Variants in DYNC2H1 observed in about 807,000 individuals in gnomAD.
DYNC2H1 encodes the protein dynein cytoplasmic 2 heavy chain 1.
In DYNC2H1, 410 loss-of-function variants were observed where a neutral mutation model predicts 570.0. That is an observed-to-expected ratio of 0.72 (90% CI 0.66 to 0.78). The LOEUF is 0.78. Among genes scored for constraint, DYNC2H1 ranks in the 30% least tolerant of loss-of-function variants. DYNC2H1 has a pLI of 0.00. For synonymous variants in DYNC2H1, 1,688 were observed against 1,677.6 expected, an observed-to-expected ratio of 1.01 and a Z score of -0.15; for missense variants, 4,865 against 5,046.4, an observed-to-expected ratio of 0.96 and a Z score of 1.09.
At chr11:103,231,471 G>C in intron 60 of DYNC2H1, 125 bp downstream of exon 60, 1 of 522,546 alleles carries the variant, frequency 1.9e-6, no homozygotes, top group Non-Finnish European at 3.3e-6. Context: ...GTGGGACCCA[G>C]TAGTCTATAA....
chr11:103,110,643 T>A (rs764836368), intron 1 of DYNC2H1, among the ~76,000 whole-genome samples: 41 of 152,170 alleles, frequency 2.7e-4, no homozygotes, highest in Admixed American at 1.1e-3. Context: ...CAATCAGGGC[T>A]TATATATATA....
Position 103,229,316 on chromosome 11 carries a change from C to G in DYNC2H1, c.9354-1944C>G, listed in dbSNP as rs149598427. Among the ~76,000 whole-genome samples the G allele has an allele frequency of 2.3e-4, 35 of 152,292 alleles. No individual in the cohort carries two copies. The East Asian group carries it at 6.6e-3, about 29-fold the overall frequency. On this transcript the variant is annotated intron_variant, in intron 59 of 88. Transcript: ENST00000375735. ...AGCGAAAGTTCACCATGTAAGTCTC[C>G]ACATGCTCCTCTGTCTGTCTGAGTG...
intron 47 of DYNC2H1, among the ~76,000 whole-genome samples, chr11:103,193,403 G>T (rs1039845038): frequency 6.6e-6 from 1 of 152,100 alleles, no homozygotes; most frequent in African/African-American, 2.4e-5. Flanking sequence ...GACAGTATTG[G>T]CACCTAATTG....
rs1170271715 is a variant in DYNC2H1, at chr11:103,321,010, T to C, written c.11726-19T>C. Reference sequence around the variant, plus strand: ...ATATTTTAGAAATGAAATTAATGAGTGTTTTTTTAAAATTATAGGTGCCAA... The same window carrying C: ...ATATTTTAGAAATGAAATTAATGAGCGTTTTTTTAAAATTATAGGTGCCAA... On this transcript the variant is annotated intron_variant, in intron 80 of 88. Transcript: ENST00000375735. The C allele has an allele frequency of 2.6e-6, 4 of 1,558,632 alleles. No individual in the cohort carries two copies. The highest frequency in any genetic ancestry group is 1.8e-5 in the Admixed American group (1 of 54,458).
rs769932589 is a variant in DYNC2H1, at chr11:103,395,470, C to CAT, written c.12157-4184_12157-4183dup. On this transcript the variant is annotated intron_variant, in intron 83 of 88. Coordinates refer to ENST00000375735, the MANE Select transcript of DYNC2H1 (RefSeq NM_001377.3). The surrounding 1 kb of genome is among the most constrained non-coding windows in gnomAD (Gnocchi z 4.3). ...TTGTATCACTGATATACATATATATCATATATATATTTATGTATATGTACA... is the reference window on the plus strand; with the variant it reads ...TTGTATCACTGATATACATATATATCATATATATATATTTATGTATATGTACA... Among the ~76,000 whole-genome samples, 1 of 138,948 alleles carries CAT rather than the reference C, an allele frequency of 7.2e-6. No homozygotes were observed. The highest frequency in any genetic ancestry group is 1.5e-5 in the Non-Finnish European group (1 of 64,626). The allele number at this position is 138,948 out of a possible 152,430, so 91.2% of individuals were successfully genotyped here.
At chr11:103,259,068 T>G (rs1191259190) in intron 69 of DYNC2H1, among the ~76,000 whole-genome samples, 1 of 152,240 alleles carries the variant, frequency 6.6e-6, no homozygotes, top group Non-Finnish European at 1.5e-5. Flanking sequence ...CACATTTCTT[T>G]GCTGATCCTG....
At position 103,157,943 on chromosome 11, in the gene DYNC2H1, A is replaced by C. The variant is rs1000789121; in HGVS notation, c.4128-734A>C. On this transcript the variant is annotated intron_variant, in intron 26 of 88. Transcript: ENST00000375735. The surrounding 1 kb of genome is among the most constrained non-coding windows in gnomAD (Gnocchi z 4.2). ...TCTTTGCCAGAAACGTCTTCTACTC[A>C]CTCACTTTTTCATTTTATTCTTCAT... Among the ~76,000 whole-genome samples the C allele has an allele frequency of 1.3e-5, 2 of 151,792 alleles. No homozygotes were observed. The highest frequency in any genetic ancestry group is 2.9e-5 in the Non-Finnish European group (2 of 67,960).
chr11:103,399,833 A>G lies in DYNC2H1; in HGVS notation c.12327A>G (p.Ser4109=), dbSNP rs746071031. 1.1e-5 allele frequency: 18 copies of G among 1,613,770 alleles called. No individual in the cohort carries two copies. Among genetic ancestry groups the G allele is most frequent in the East Asian group, 6.7e-5 (3 of 44,862 alleles). Residue 4109 remains serine, a synonymous_variant, in exon 84 of 89, where the codon TCA becomes TCG. Transcript: ENST00000375735. ...KVIRGTTLLS[S]EVQKLASALL... is the part of the protein sequence containing the mutation. ...TCAGAGGAACTACTTTACTGAGTTC[A>G]GAAGTACAAAAATTGGCAAGTGCTT...
chr11:103,262,245 G>A (rs775186823), intron 70 of DYNC2H1, among the ~76,000 whole-genome samples: 1 of 152,182 alleles, frequency 6.6e-6, no homozygotes, highest in Non-Finnish European at 1.5e-5. Flanking sequence ...TGAAAGTGAC[G>A]GGGAGAATGG....
At chr11:103,200,265 C>T in intron 50 of DYNC2H1, 111 bp downstream of exon 50, 1 of 761,714 alleles carries the variant, frequency 1.3e-6, no homozygotes, top group Non-Finnish European at 2.1e-6. Context: ...TGGCATAGTT[C>T]TTACTTAGGA....
rs11294489 is a variant in DYNC2H1 at position 103,316,844 on chromosome 11, CT to C, written c.11725+226del. On this transcript the variant is annotated intron_variant, in intron 80 of 88. Transcript: ENST00000375735. ...TCTGGGAGCAGAAGTCTAGAAAGAC[CT>C]TGTTTTCACTTTGTGGCTTTCAAAA... 0.13 allele frequency among the ~76,000 whole-genome samples: 19,918 copies of C among 151,896 alleles called. 1,532 individuals are homozygous for C. Among genetic ancestry groups the C allele is most frequent in the Admixed American group, 0.24 (3,660 of 15,252 alleles).
rs540683979 is a variant in DYNC2H1 at position 103,268,706 on chromosome 11, G to T, written c.10695+8729G>T. 6.6e-6 allele frequency among the ~76,000 whole-genome samples: 1 copy of T among 151,852 alleles called. No homozygotes were observed. The highest frequency in any genetic ancestry group is 6.6e-5 in the Admixed American group (1 of 15,260). On this transcript the variant is annotated intron_variant, in intron 70 of 88. Transcript: ENST00000375735. The surrounding 1 kb of genome is among the most constrained non-coding windows in gnomAD (Gnocchi z 4.6). ...CTGCCCCAAATCTTTTTTGAAAGTG[G>T]ATATGTTATAAATAAATATTATTAT...
chr11:103,453,213 G>C (rs1052718297), intron 85 of DYNC2H1, among the ~76,000 whole-genome samples: 4 of 152,024 alleles, frequency 2.6e-5, no homozygotes, highest in African/African-American at 7.2e-5. Context: ...CCATAACTTA[G>C]AGTGAAGTAA....
chr11:103,476,915 G>C (rs1217062129), intron 88 of DYNC2H1, among the ~76,000 whole-genome samples: 1 of 152,178 alleles, frequency 6.6e-6, no homozygotes, highest in Non-Finnish European at 1.5e-5. Flanking sequence ...CTGCCAAAAA[G>C]CTGATTTTTT....
At position 103,186,216 on chromosome 11, in the gene DYNC2H1, A is replaced by C. The variant is rs1862061109; in HGVS notation, c.6634-26A>C. On this transcript the variant is annotated intron_variant, in intron 41 of 88. Transcript: ENST00000375735. This position sits in a 1 kb window ranked among gnomAD's most constrained non-coding sequence, Gnocchi z 4.5. The stretch of plus-strand genomic sequence containing the variant: ...GTCACACACTCTGGAGTATGTGAAA[A>C]CTTATCACAATTTTTTCCTCTTAAG... The C allele has an allele frequency of 6.3e-7, 1 of 1,596,512 alleles. No homozygotes were observed. Among genetic ancestry groups the C allele is most frequent in the Admixed American group, 1.7e-5 (1 of 58,186 alleles).
intron 47 of DYNC2H1, among the ~76,000 whole-genome samples, chr11:103,192,906 G>T (rs1862372932): frequency 6.6e-6 from 1 of 152,010 alleles, no homozygotes; most frequent in Non-Finnish European, 1.5e-5. Context: ...GGCCACAAAA[G>T]GTGCTTATTT....
chr11:103,320,853 T>G (rs1479043231), intron 80 of DYNC2H1, among the ~76,000 whole-genome samples, 176 bp from the exon 81 acceptor site: 1 of 152,182 alleles, frequency 6.6e-6, no homozygotes, highest in Non-Finnish European at 1.5e-5. Context: ...TGTAAAATAT[T>G]TGGAAAATTT....
chr11:103,349,050 T>C (rs931482701), intron 82 of DYNC2H1, among the ~76,000 whole-genome samples: 5 of 152,212 alleles, frequency 3.3e-5, no homozygotes, highest in Non-Finnish European at 7.3e-5. Context: ...CTTTCGTTTA[T>C]AAATTACCCA....
At chr11:103,434,406 G>T (rs971015733) in intron 84 of DYNC2H1, among the ~76,000 whole-genome samples, 6 of 144,734 alleles carry the variant, frequency 4.1e-5, no homozygotes, top group African/African-American at 1.6e-4. Flanking sequence ...ACAGAGGGTT[G>T]TCTGAGATTT....
Sources: gnomAD v4.1 joint callset for allele counts (sites outside exome capture counted in the v4.1 genomes callset) on GRCh38, gnomAD v4.1.1 for gene constraint, Gnocchi (gnomAD v3.1) non-coding constraint, MANE v1.5 for transcripts, NCBI Gene and HGNC (gene_info 2026-07-23, HGNC 2026-07-21) for gene names.